Variants in NCALD observed in about 807,000 individuals in gnomAD.
NCALD encodes the protein neurocalcin delta.
A neutral mutation model predicts 18.6 loss-of-function variants in NCALD; 10 were observed. The ratio of observed to expected loss-of-function variants is 0.54; its 90% CI spans 0.33 to 0.91. The LOEUF is 0.91. NCALD is among the 40% of genes least tolerant of loss of function. The pLI, the probability that NCALD is intolerant of heterozygous loss-of-function variation, is 0.03. For synonymous variants in NCALD, 88 were observed against 87.4 expected, an observed-to-expected ratio of 1.01 and a Z score of -0.04; for missense variants, 184 against 247.6, an observed-to-expected ratio of 0.74 and a Z score of 1.72.
At chr8:101,828,554 T>C (rs1214064585) in intron 4 of NCALD, among the ~76,000 whole-genome samples, 4 of 88,336 alleles carry the variant, frequency 4.5e-5, no homozygotes, top group Non-Finnish European at 9.6e-5. Context: ...CTCCCTAATT[T>C]CCTTCTTTTT....
At chr8:101,892,365 A>G (rs1028253000) in intron 3 of NCALD, among the ~76,000 whole-genome samples, 1 of 147,218 alleles carries the variant, frequency 6.8e-6, no homozygotes, top group African/African-American at 2.7e-5. Context: ...CCATCTGTAC[A>G]TCACCATTAT....
chr8:102,114,378 C>A (rs539555315), intron 1 of NCALD, among the ~76,000 whole-genome samples: 1 of 152,294 alleles, frequency 6.6e-6, no homozygotes, highest in South Asian at 2.1e-4. Context: ...TAAAGCCCAA[C>A]CAGAAAACTA....
intron 2 of NCALD, among the ~76,000 whole-genome samples, chr8:101,938,699 A>C (rs573169309): frequency 6.6e-6 from 1 of 152,350 alleles, no homozygotes; most frequent in South Asian, 2.1e-4. Flanking sequence ...TGCAACAAAT[A>C]ATTTCATCCA....
At chr8:102,082,004 A>G (rs1824554561) in intron 1 of NCALD, among the ~76,000 whole-genome samples, 1 of 152,124 alleles carries the variant, frequency 6.6e-6, no homozygotes. Flanking sequence ...TTGTATTTAC[A>G]CTGCCTGACT....
chr8:101,888,892 T>C (rs1586697899), intron 3 of NCALD, among the ~76,000 whole-genome samples: 2 of 152,162 alleles, frequency 1.3e-5, no homozygotes, highest in South Asian at 2.1e-4. Flanking sequence ...GCTTAGACAG[T>C]GGGGAAGACA....
At chr8:101,867,843 C>A (rs1201688045) in intron 4 of NCALD, among the ~76,000 whole-genome samples, 1 of 152,070 alleles carries the variant, frequency 6.6e-6, no homozygotes, top group Non-Finnish European at 1.5e-5. Context: ...CATTGAAGTT[C>A]ATTGTTCACT....
At chr8:101,716,865 G>C (rs1816110895) in intron 2 of NCALD, among the ~76,000 whole-genome samples, 1 of 152,220 alleles carries the variant, frequency 6.6e-6, no homozygotes, top group South Asian at 2.1e-4. Flanking sequence ...GCCTGAGAAG[G>C]ACTCAATCTG....
intron 1 of NCALD, among the ~76,000 whole-genome samples, chr8:102,106,731 C>T (rs1385578652): frequency 6.6e-6 from 1 of 152,138 alleles, no homozygotes; most frequent in Non-Finnish European, 1.5e-5. Context: ...ATTTCTGCAG[C>T]TTCTTGTTCT....
intron 1 of NCALD, among the ~76,000 whole-genome samples, chr8:101,768,483 A>C (rs1167185297): frequency 6.6e-6 from 1 of 152,202 alleles, no homozygotes; most frequent in Non-Finnish European, 1.5e-5. Flanking sequence ...TGGTGGCCGA[A>C]GGGCCACCTG....
At chr8:101,858,326 A>C (rs545418059) in intron 4 of NCALD, among the ~76,000 whole-genome samples, 13 of 152,338 alleles carry the variant, frequency 8.5e-5, no homozygotes, top group African/African-American at 2.9e-4. Context: ...GGCCTTCAAA[A>C]GCCAGAAAAA....
chr8:101,891,370 T>C (rs1001754147), intron 3 of NCALD, among the ~76,000 whole-genome samples: 1 of 152,248 alleles, frequency 6.6e-6, no homozygotes, highest in Non-Finnish European at 1.5e-5. Flanking sequence ...TCATACAGTA[T>C]GTGACATTTG....
At chr8:102,051,089 G>A (rs1823441650) in intron 1 of NCALD, among the ~76,000 whole-genome samples, 1 of 151,906 alleles carries the variant, frequency 6.6e-6, no homozygotes, top group Admixed American at 6.6e-5. Flanking sequence ...CTGAATGTGA[G>A]GTCCAGGCCA....
chr8:101,770,318 T>C (rs1811530604), intron 1 of NCALD, among the ~76,000 whole-genome samples: 1 of 152,192 alleles, frequency 6.6e-6, no homozygotes. Context: ...AGCAGCTGCA[T>C]ATGCTTGACA....
intron 2 of NCALD, among the ~76,000 whole-genome samples, chr8:101,700,315 A>G (rs1490228329): frequency 2.0e-5 from 3 of 152,082 alleles, no homozygotes; most frequent in Non-Finnish European, 4.4e-5. Flanking sequence ...CAGTCTCCCA[A>G]AGTGCTGGAA....
chr8:101,690,963 A>G (rs1228672279), intron 3 of NCALD: 2 of 985,368 alleles, frequency 2.0e-6, no homozygotes, highest in Non-Finnish European at 2.4e-6. Flanking sequence ...AACTGTCTGC[A>G]TGATTCAGAG....
chr8:101,938,953 T>C (rs1476554603), intron 2 of NCALD, among the ~76,000 whole-genome samples: 1 of 152,242 alleles, frequency 6.6e-6, no homozygotes, highest in Non-Finnish European at 1.5e-5. Flanking sequence ...TAATGTGCAA[T>C]AAATGTCATT....
At chr8:102,086,168 T>C (rs993270456) in intron 1 of NCALD, among the ~76,000 whole-genome samples, 1 of 152,208 alleles carries the variant, frequency 6.6e-6, no homozygotes, top group Non-Finnish European at 1.5e-5. Context: ...AAGGAAAACA[T>C]CACTTGAGCA....
intron 3 of NCALD, among the ~76,000 whole-genome samples, chr8:101,892,110 C>G (rs571856626): frequency 4.0e-5 from 6 of 151,514 alleles, no homozygotes; most frequent in African/African-American, 1.5e-4. Flanking sequence ...CTTAAATGTC[C>G]CTGTCTGACA....
intron 1 of NCALD, among the ~76,000 whole-genome samples, chr8:102,023,957 C>A (rs759504984): frequency 2.0e-5 from 3 of 152,172 alleles, no homozygotes; most frequent in Non-Finnish European, 4.4e-5. Context: ...TTACACAGAA[C>A]TCCTCTTTAC....
Sources: gnomAD v4.1 joint callset for allele counts (sites outside exome capture counted in the v4.1 genomes callset) on GRCh38, gnomAD v4.1.1 for gene constraint, MANE v1.5 for transcripts, NCBI Gene and HGNC (gene_info 2026-07-23, HGNC 2026-07-21) for gene names.